The following IL27 variants were observed in gnomAD, a reference collection of about 807,000 sequenced individuals.
IL27 encodes the protein interleukin 27.
A neutral mutation model predicts 27.0 loss-of-function variants in IL27; 11 were observed. That is an observed-to-expected ratio of 0.41 (90% confidence interval 0.26 to 0.67). The LOEUF (loss-of-function observed/expected upper bound fraction) is 0.67, where lower values mean the gene tolerates loss of function less well. IL27 is among the 30% of genes least tolerant of loss of function. The probability of loss-of-function intolerance (pLI) is 0.34; values close to 1 mark genes in which losing one functional copy is unlikely to be tolerated. For synonymous variants in IL27, 134 were observed against 140.6 expected, an observed-to-expected ratio of 0.95 and a Z score of 0.33; for missense variants, 299 against 310.4, an observed-to-expected ratio of 0.96 and a Z score of 0.28.
In IL27 at chr16:28,499,861, C is replaced by G; in HGVS notation, c.522G>C (p.Glu174Asp). 6.4e-7 allele frequency: 1 copy of G among 1,555,744 alleles called. No individual in the cohort carries two copies. The highest frequency in any genetic ancestry group is 8.7e-7 in the Non-Finnish European group (1 of 1,149,424). ...EEEEEEEEEE[E>D]EERKGLLPGA... is the part of the protein sequence containing the mutation. ...CTGGGAGCAGCCCCTTCCTCTCCTC[C>G]TCCTCCTCCTCCTCTTCCTCCTCCT... Residue 174 changes from glutamate (E) to aspartate (D), a missense_variant, in exon 5 of 5, where the codon GAG (glutamate) becomes GAC (aspartate). Coordinates refer to ENST00000356897, the MANE Select transcript of IL27 (RefSeq NM_145659.3).
At chr16:28,505,342 CTTTTT>C (rs5816473) in intron 1 of IL27, among the ~76,000 whole-genome samples, 2 of 148,266 alleles carry the variant, frequency 1.3e-5, no homozygotes, top group Non-Finnish European at 3.0e-5. Context: ...AGTATGGGAG[CTTTTT>C]TTTTTTTAAG....
rs747438921 is a variant in IL27 at position 28,501,961 on chromosome 16, G to A, written c.462+15C>T. 1.9e-6 allele frequency: 3 copies of A among 1,597,300 alleles called. No individual in the cohort carries two copies. The highest frequency in any genetic ancestry group is 1.1e-5 in the South Asian group (1 of 90,806). Reference sequence around the variant, plus strand: ...CCCACGTGGTCTGGGGTGGTGGAGGGTGGCCGGGCTCTACCTGGAAGCGGA... The same window carrying A: ...CCCACGTGGTCTGGGGTGGTGGAGGATGGCCGGGCTCTACCTGGAAGCGGA... On this transcript the variant is annotated intron_variant, in intron 4 of 4. Coordinates refer to ENST00000356897, the MANE Select transcript of IL27 (RefSeq NM_145659.3).
intron 4 of IL27, among the ~76,000 whole-genome samples, 173 bp from the exon 5 acceptor site, chr16:28,500,093 T>TGCTAACGCGTCTC (rs1190868868): frequency 6.6e-6 from 1 of 152,230 alleles, no homozygotes; most frequent in African/African-American, 2.4e-5. Flanking sequence ...GCGTCTCACC[T>TGCTAACGCGTCTC]GATCTTTCAG....
At chr16:28,501,877 TCTCACA>T (rs2046433835) in intron 4 of IL27, 93 bp downstream of exon 4, 2 of 1,387,596 alleles carry the variant, frequency 1.4e-6, no homozygotes, top group Non-Finnish European at 2.0e-6. Context: ...ACACTCACAC[TCTCACA>T]CTCACACACA....
chr16:28,506,637 T>A lies in IL27; in HGVS notation c.31+144A>T, dbSNP rs2046462416. On this transcript the variant is annotated intron_variant, in intron 1 of 4. Coordinates refer to ENST00000356897, the MANE Select transcript of IL27 (RefSeq NM_145659.3). ...AGGCCCCCACCCAGTCATGCCAGCC[T>A]CCCTTCCCATGCAGCAGCCAGCCGA... 5 of 793,870 alleles carry A rather than the reference T, an allele frequency of 6.3e-6. No individual in the cohort carries two copies. The African/African-American group carries it at 7.1e-5, about 11-fold the overall frequency. 49.2% of individuals were successfully genotyped at this position (793,870 alleles called of 1,614,324 possible). A position where few individuals can be genotyped will look rare whatever the true frequency, so the allele number is the denominator to read the frequency against.
chr16:28,501,955 T>G, intron 4 of IL27, 21 bp downstream of exon 4: 1 of 1,595,240 alleles, frequency 6.3e-7, no homozygotes, highest in Non-Finnish European at 8.5e-7. Context: ...TCTGGGGTGG[T>G]GGAGGGTGGC....
At chr16:28,501,551 T>C (rs1036111013) in intron 4 of IL27, among the ~76,000 whole-genome samples, 2 of 117,654 alleles carry the variant, frequency 1.7e-5, no homozygotes, top group Non-Finnish European at 3.5e-5. Context: ...CTCACACTCA[T>C]ACAGCCCCCC....
chr16:28,502,404 T>A (rs2046437865), intron 3 of IL27, among the ~76,000 whole-genome samples: 1 of 151,752 alleles, frequency 6.6e-6, no homozygotes, highest in Admixed American at 6.6e-5. Context: ...TGAAGCACTC[T>A]CCATCCACAG....
chr16:28,500,509 A>C (rs1190739068), intron 4 of IL27, among the ~76,000 whole-genome samples: 1 of 151,986 alleles, frequency 6.6e-6, no homozygotes. Flanking sequence ...TCCTGACCTC[A>C]AATGATCCAC....
intron 4 of IL27, among the ~76,000 whole-genome samples, chr16:28,501,389 T>TAC (rs1400726484): frequency 2.0e-5 from 3 of 147,086 alleles, no homozygotes; most frequent in South Asian, 2.2e-4. Context: ...CTCATGGACC[T>TAC]ACACACACAC....
rs1214488975 is a variant in IL27, at chr16:28,499,548, G to C, written c.*103C>G. On this transcript the variant is annotated 3_prime_UTR_variant, in exon 5 of 5. Transcript: ENST00000356897. Reference sequence around the variant, plus strand: ...GAGCCTGGGGCAGGGGGCTGGAAGAGCCCTCCCTTGTCCAAGGCTGATGAT... The same window carrying C: ...GAGCCTGGGGCAGGGGGCTGGAAGACCCCTCCCTTGTCCAAGGCTGATGAT... 3.5e-6 allele frequency: 3 copies of C among 863,300 alleles called. No homozygotes were observed. Among genetic ancestry groups the C allele is most frequent in the Non-Finnish European group, 5.4e-6 (3 of 553,674 alleles). 53.5% of individuals were successfully genotyped at this position (863,300 alleles called of 1,614,324 possible).
chr16:28,501,874 C>T, intron 4 of IL27, 102 bp downstream of exon 4: 1 of 1,362,590 alleles, frequency 7.3e-7, no homozygotes, highest in Non-Finnish European at 1.0e-6. Flanking sequence ...GTCACACTCA[C>T]ACTCTCACAC....
At chr16:28,500,012 C>A in intron 4 of IL27, 92 bp from the exon 5 acceptor site, 1 of 1,423,552 alleles carries the variant, frequency 7.0e-7, no homozygotes, top group East Asian at 2.5e-5. Context: ...TTCCCAATGA[C>A]ATCAGTGACC....
At chr16:28,501,858 C>T in intron 4 of IL27, 118 bp downstream of exon 4, 1 of 1,217,170 alleles carries the variant, frequency 8.2e-7, no homozygotes, top group Non-Finnish European at 1.2e-6. Context: ...CACTCATGGA[C>T]ACTCAGTCAC....
intron 4 of IL27, among the ~76,000 whole-genome samples, chr16:28,500,744 T>G (rs2046424827): frequency 6.6e-6 from 1 of 152,176 alleles, no homozygotes; most frequent in South Asian, 2.1e-4. Context: ...CACAGCCCAA[T>G]GGCCTCCTGT....
At chr16:28,502,331 T>C (rs1198107083) in intron 3 of IL27, among the ~76,000 whole-genome samples, 197 bp from the exon 4 acceptor site, 1 of 151,830 alleles carries the variant, frequency 6.6e-6, no homozygotes, top group African/African-American at 2.4e-5. Context: ...TCCCATCTCC[T>C]TTTCCAGCCT....
intron 3 of IL27, among the ~76,000 whole-genome samples, chr16:28,502,461 T>A (rs2046438212): frequency 6.6e-6 from 1 of 151,694 alleles, no homozygotes; most frequent in African/African-American, 2.4e-5. Context: ...CTCCTGCCCA[T>A]GTGTTTCCAT....
chr16:28,503,523 G>A (rs563448360), intron 3 of IL27, among the ~76,000 whole-genome samples, 172 bp downstream of exon 3: 2 of 152,316 alleles, frequency 1.3e-5, no homozygotes, highest in East Asian at 1.9e-4. Flanking sequence ...AAAGTGCTGG[G>A]TTTATAGGTG....
chr16:28,506,724 C>T (rs546932518), intron 1 of IL27, 57 bp downstream of exon 1: 5 of 1,578,748 alleles, frequency 3.2e-6, no homozygotes, highest in Admixed American at 3.5e-5. Flanking sequence ...ACCAGCCAAG[C>T]TCGTCCATTC....
Sources: allele counts gnomAD v4.1 joint callset (sites outside exome capture counted in the v4.1 genomes callset), GRCh38; gene constraint gnomAD v4.1.1; transcripts MANE v1.5; gene names NCBI Gene and HGNC (gene_info 2026-07-23, HGNC 2026-07-21).